PC: variants seen among roughly 807,000 people sequenced by gnomAD.
The protein encoded by PC is pyruvate carboxylase, mitochondrial.
PC carries 46 observed loss-of-function variants against 107.8 expected under a neutral mutation model. The ratio of observed to expected loss-of-function variants is 0.43; its 90% confidence interval spans 0.34 to 0.55. The LOEUF (loss-of-function observed/expected upper bound fraction) is 0.55, where lower values mean the gene tolerates loss of function less well. Among genes scored for constraint, PC ranks in the 20% least tolerant of loss-of-function variants. The pLI, the probability that PC is intolerant of heterozygous loss-of-function variation, is 0.04. For missense variants in PC, 1,241 were observed against 1,643.1 expected (o/e 0.76, Z 4.23); for synonymous variants, 662 against 684.7 (o/e 0.97, Z 0.52).
chr11:66,950,654 C>G (rs1565307763), intron 3 of PC, among the ~76,000 whole-genome samples: 2 of 152,118 alleles, frequency 1.3e-5, no homozygotes, highest in Non-Finnish European at 2.9e-5. Context: ...AATTACATAA[C>G]CTGGAAGAAG....
At chr11:66,894,580 C>T (rs2136022139) in intron 3 of PC, among the ~76,000 whole-genome samples, 1 of 152,366 alleles carries the variant, frequency 6.6e-6, no homozygotes, top group South Asian at 2.1e-4. Context: ...ACCTCACAGC[C>T]TGGGTCTGGA....
In PC at chr11:66,927,638, G is replaced by T. The variant is rs143505369; in HGVS notation, c.-1+24792C>A. Among the ~76,000 whole-genome samples, 46 of 151,644 alleles carry T rather than the reference G, an allele frequency of 3.0e-4. No homozygotes were observed. In the East Asian group the frequency reaches 7.8e-3, roughly 26 times the overall value. On this transcript the variant is annotated intron_variant, in intron 3 of 22. Coordinates refer to ENST00000393960, the MANE Select transcript of PC (RefSeq NM_001040716.2). ...CTAGGGAGGCTGAGGTAGGAGAATC[G>T]CTTGAACCCGGGAGGCAGTGGTTGC...
intron 3 of PC, among the ~76,000 whole-genome samples, chr11:66,918,420 G>A (rs928467416): frequency 8.7e-5 from 13 of 149,276 alleles, no homozygotes; most frequent in Middle Eastern, 3.5e-3. Flanking sequence ...ACAGAGTCTC[G>A]CTCTATTGCC....
At chr11:66,906,928 C>T (rs1948184971) in intron 3 of PC, among the ~76,000 whole-genome samples, 1 of 152,176 alleles carries the variant, frequency 6.6e-6, no homozygotes, top group Non-Finnish European at 1.5e-5. Context: ...GGAGGTCTCA[C>T]ATGTTGAACA....
chr11:66,891,998 T>C (rs1048165001), intron 3 of PC, among the ~76,000 whole-genome samples: 3 of 152,242 alleles, frequency 2.0e-5, no homozygotes, highest in Non-Finnish European at 2.9e-5. Flanking sequence ...GTTGTCTTTT[T>C]CTTACTGAGC....
At chr11:66,940,311 A>G (rs1327059788) in intron 3 of PC, among the ~76,000 whole-genome samples, 1 of 149,838 alleles carries the variant, frequency 6.7e-6, no homozygotes, top group Non-Finnish European at 1.5e-5. Flanking sequence ...TGATCCTCCC[A>G]CTTCAGTCTC....
intron 3 of PC, among the ~76,000 whole-genome samples, chr11:66,885,037 T>C (rs1947311616): frequency 1.3e-5 from 2 of 152,164 alleles, no homozygotes; most frequent in African/African-American, 4.8e-5. Flanking sequence ...AGGACATGAA[T>C]GCTGGCTGGA....
In PC at chr11:66,858,987, A is replaced by T. The variant is rs375297266; in HGVS notation, c.1368+4787T>A. ...GCCAGCCGTGCAGGTGACGGAGGTG[A>T]CCGCCACCTCAGGGCTGGTGAGCTG... On this transcript the variant is annotated intron_variant, in intron 12 of 22. Transcript: ENST00000393960. The surrounding 1 kb of genome is among the most constrained non-coding windows in gnomAD (Gnocchi z 5.9). 1.3e-6 allele frequency: 2 copies of T among 1,559,980 alleles called. No homozygotes were observed. The highest frequency in any genetic ancestry group is 2.3e-5 in the East Asian group (1 of 43,708).
intron 3 of PC, among the ~76,000 whole-genome samples, chr11:66,915,144 G>A (rs1169206056): frequency 6.7e-6 from 1 of 150,348 alleles, no homozygotes; most frequent in Non-Finnish European, 1.5e-5. Flanking sequence ...TCCAGCCAGG[G>A]AGGGAGGGAG....
At chr11:66,861,439 C>G (rs944848997) in intron 12 of PC, among the ~76,000 whole-genome samples, 2 of 152,248 alleles carry the variant, frequency 1.3e-5, no homozygotes, top group African/African-American at 4.8e-5. Flanking sequence ...CACCGGGCAG[C>G]CGAGGTGAGG....
At chr11:66,910,665 G>A (rs1179696083) in intron 3 of PC, among the ~76,000 whole-genome samples, 1 of 152,146 alleles carries the variant, frequency 6.6e-6, no homozygotes, top group Non-Finnish European at 1.5e-5. Flanking sequence ...AAGGCTGCAG[G>A]GCAGGGGTCA....
At chr11:66,928,447 T>A (rs1948771433) in intron 3 of PC, among the ~76,000 whole-genome samples, 1 of 151,256 alleles carries the variant, frequency 6.6e-6, no homozygotes, top group Non-Finnish European at 1.5e-5. Context: ...AAGATGAACT[T>A]GGCAGCAGCA....
At position 66,857,436 on chromosome 11, in the gene PC, T is replaced by G; in HGVS notation, c.1369-4053A>C. ...GCGGCTGGCGATTCCTGGGGACGCC[T>G]GGGAAAGGAAGTTCCGGGACCCTCC... On this transcript the variant is annotated intron_variant, in intron 12 of 22. Transcript: ENST00000393960. This position sits in a 1 kb window ranked among gnomAD's most constrained non-coding sequence, Gnocchi z 7.1. 3.0e-6 allele frequency: 1 copy of G among 334,382 alleles called. No homozygotes were observed. Among genetic ancestry groups the G allele is most frequent in the Non-Finnish European group, 5.4e-6 (1 of 184,888 alleles). The allele number at this position is 334,382 out of a possible 1,614,324, so 20.7% of individuals were successfully genotyped here.
chr11:66,912,758 C>T (rs1948365818), intron 3 of PC, among the ~76,000 whole-genome samples: 1 of 152,190 alleles, frequency 6.6e-6, no homozygotes. Flanking sequence ...GGGCAAGAAG[C>T]AGCAAGGGAA....
At chr11:66,869,894 A>G (rs768752273) in intron 9 of PC, among the ~76,000 whole-genome samples, 1 of 152,216 alleles carries the variant, frequency 6.6e-6, no homozygotes, top group Non-Finnish European at 1.5e-5. Flanking sequence ...CATAATAAAC[A>G]TGATGTAGGA....
rs374314930 is a variant in PC, at chr11:66,871,237, G to A, written c.488-40C>T. ...GTGTGGGGGAGTCTCTGTAACAGGC[G>A]GGAATCCCTGCCACCCCTCCCTGCT... On this transcript the variant is annotated intron_variant, in intron 6 of 22. Coordinates refer to ENST00000393960, the MANE Select transcript of PC (RefSeq NM_001040716.2). The surrounding 1 kb of genome is among the most constrained non-coding windows in gnomAD (Gnocchi z 7.4). 3.3e-5 allele frequency: 54 copies of A among 1,613,428 alleles called. No individual in the cohort carries two copies. The highest frequency in any genetic ancestry group is 8.9e-5 in the East Asian group (4 of 44,854).
At chr11:66,924,045 T>A (rs1285031925) in intron 3 of PC, among the ~76,000 whole-genome samples, 1 of 150,476 alleles carries the variant, frequency 6.6e-6, no homozygotes, top group African/African-American at 2.4e-5. Flanking sequence ...TCTACTAAAA[T>A]ACAAAAATTA....
In PC at chr11:66,866,402, AGGCGGGGGATAGACGAGG is replaced by A. The variant is rs1444715827; in HGVS notation, c.1023-71_1023-54del. 1.1e-6 allele frequency: 1 copy of A among 923,072 alleles called. No homozygotes were observed. Among genetic ancestry groups the A allele is most frequent in the Non-Finnish European group, 1.6e-6 (1 of 623,322 alleles). 57.2% of individuals were successfully genotyped at this position (923,072 alleles called of 1,614,324 possible). A position where few individuals can be genotyped will look rare whatever the true frequency, so the allele number is the denominator to read the frequency against. On this transcript the variant is annotated intron_variant, in intron 10 of 22. Transcript: ENST00000393960. The surrounding 1 kb of genome is among the most constrained non-coding windows in gnomAD (Gnocchi z 5.4). Reference sequence around the variant, plus strand: ...AGGACGGGAGAAAGGGGGAAACATGAGGCGGGGGATAGACGAGGGGCACCGCAGCCAGTGGGGCGTCCA... The same window carrying A: ...AGGACGGGAGAAAGGGGGAAACATGAGGCACCGCAGCCAGTGGGGCGTCCA...
rs748849445 is a variant in PC at position 66,871,282 on chromosome 11, C to T, written c.487+33G>A. On this transcript the variant is annotated intron_variant, in intron 6 of 22. Transcript: ENST00000393960. This position sits in a 1 kb window ranked among gnomAD's most constrained non-coding sequence, Gnocchi z 7.4. ...CCTGCTGGACCCTCTCCAGGAGCTG[C>T]GGGGCCACCCCTTGCTTGCCCGTTA... is the stretch of plus-strand genomic sequence containing the variant. 5.0e-6 allele frequency: 8 copies of T among 1,614,076 alleles called. No individual in the cohort carries two copies. The highest frequency in any genetic ancestry group is 4.4e-5 in the South Asian group (4 of 91,088).
Sources: gnomAD v4.1 joint callset for allele counts (sites outside exome capture counted in the v4.1 genomes callset) on GRCh38, gnomAD v4.1.1 for gene constraint, Gnocchi (gnomAD v3.1) non-coding constraint, MANE v1.5 for transcripts, NCBI Gene and HGNC (gene_info 2026-07-23, HGNC 2026-07-21) for gene names.